PCM1: variants seen among roughly 807,000 people sequenced by gnomAD.
The protein encoded by PCM1 is pericentriolar material 1 protein.
In PCM1, 157 loss-of-function variants were observed where a neutral mutation model predicts 241.9. The observed-to-expected ratio is 0.65, with a 90% CI of 0.57 to 0.74. The LOEUF is 0.74. PCM1 is among the 30% of genes least tolerant of loss of function. PCM1 has a pLI of 0.00. For synonymous variants in PCM1, 1,085 were observed against 784.9 expected, an observed-to-expected ratio of 1.38 and a Z score of -6.39; for missense variants, 3,478 against 2,360.1, an observed-to-expected ratio of 1.47 and a Z score of -9.81.
chr8:17,937,296 A>G lies in PCM1; in HGVS notation c.259A>G (p.Arg87Gly). The G allele has an allele frequency of 6.2e-7, 1 of 1,609,452 alleles. No homozygotes were observed. The highest frequency in any genetic ancestry group is 1.1e-5 in the South Asian group (1 of 90,484). The change falls in exon 4 of 39, where the codon AGA becomes GGA. Residue 87 changes from arginine to glycine, a missense_variant. Coordinates refer to ENST00000325083, the MANE Select transcript of PCM1 (RefSeq NM_006197.4). ...TKTPHTFPHS[R>G]YMSQMSVPEQ... ...GACTCCACATACGTTCCCACACAGT[A>G]GATACATGAGTCAGATGTCTGTCCC...
At chr8:17,969,810 T>G in intron 22 of PCM1, 62 bp downstream of exon 22, 1 of 1,234,202 alleles carries the variant, frequency 8.1e-7, no homozygotes, top group Non-Finnish European at 1.2e-6. Context: ...CATCTAATTA[T>G]GTGTAATTTG....
At position 18,027,844 on chromosome 8, in the gene PCM1, T is replaced by G; in HGVS notation, c.*182T>G. The G allele has an allele frequency of 2.4e-6, 1 of 417,156 alleles. No individual in the cohort carries two copies. The highest frequency in any genetic ancestry group is 4.3e-6 in the Non-Finnish European group (1 of 234,650). 25.8% of individuals were successfully genotyped at this position (417,156 alleles called of 1,614,324 possible). On this transcript the variant is annotated 3_prime_UTR_variant, in exon 39 of 39. Coordinates refer to ENST00000325083, the MANE Select transcript of PCM1 (RefSeq NM_006197.4). ...TCAGAAACTGAATTCTGGACAGATT[T>G]AAGCCTTGACACACTGTGTTTTTTT...
chr8:17,945,787 G>A (rs2063576499), intron 6 of PCM1, among the ~76,000 whole-genome samples: 1 of 151,318 alleles, frequency 6.6e-6, no homozygotes, highest in Non-Finnish European at 1.5e-5. Context: ...GTAGATCAGT[G>A]CATTTTTACT....
At chr8:17,939,625 A>T in intron 5 of PCM1, 66 bp from the exon 6 acceptor site, 1 of 827,926 alleles carries the variant, frequency 1.2e-6, no homozygotes, top group Non-Finnish European at 1.8e-6. Context: ...CTATTGAACT[A>T]ATTATCCTTA....
intron 29 of PCM1, 85 bp from the exon 30 acceptor site, chr8:18,006,178 A>G (rs1378413221): frequency 5.4e-5 from 59 of 1,087,876 alleles, no homozygotes; most frequent in Non-Finnish European, 6.4e-5. Context: ...AAAATTAAAA[A>G]TTAACATTTT....
intron 30 of PCM1, among the ~76,000 whole-genome samples, chr8:18,008,246 C>A (rs556524577): frequency 2.6e-5 from 4 of 152,076 alleles, no homozygotes; most frequent in African/African-American, 4.8e-5. Flanking sequence ...ATTAGATTCT[C>A]ATAGGAGTGT....
chr8:18,009,858 T>C (rs2092212533), intron 31 of PCM1, 114 bp downstream of exon 31: 1 of 601,532 alleles, frequency 1.7e-6, no homozygotes, highest in South Asian at 4.0e-5. Context: ...TTTTTAGTAA[T>C]ACCAGTTAAT....
At chr8:17,932,055 ACT>A (rs1445571975) in intron 2 of PCM1, among the ~76,000 whole-genome samples, 1 of 152,046 alleles carries the variant, frequency 6.6e-6, no homozygotes, top group Admixed American at 6.5e-5. Context: ...CTGCTTTTTT[ACT>A]TTTTTATATT....
chr8:17,996,483 T>G (rs530473038), intron 29 of PCM1, among the ~76,000 whole-genome samples: 1 of 152,308 alleles, frequency 6.6e-6, no homozygotes, highest in African/African-American at 2.4e-5. Context: ...TTTGGGTTTT[T>G]TGTCTTTTTT....
chr8:17,924,008 T>TTTTG (rs554311792), intron 1 of PCM1, among the ~76,000 whole-genome samples: 1,155 of 21,014 alleles, frequency 0.055, 17 homozygotes, highest in African/African-American at 0.13. Flanking sequence ...TTTTGTTTTG[T>TTTTG]TTTTTTGAGC....
In PCM1 at chr8:18,010,627, G is replaced by A; in HGVS notation, c.5179G>A (p.Asp1727Asn). 6.2e-7 allele frequency: 1 copy of A among 1,602,512 alleles called. No individual in the cohort carries two copies. The highest frequency in any genetic ancestry group is 1.1e-5 in the South Asian group (1 of 89,074). The change falls in exon 32 of 39, where the codon GAT (aspartate) becomes AAT (asparagine). Residue 1727 changes from aspartate (D) to asparagine (N), a missense_variant. Asp to Asn is a conservative substitution (Grantham distance 23). Coordinates refer to ENST00000325083, the MANE Select transcript of PCM1 (RefSeq NM_006197.4). ...TTTAAAGGCTAAAAGGATTCTTGAA[G>A]ATCATGGCTCACCTGCTGGAGAGAT... Reference protein sequence around the residue: ...CAKEAKRILEDHGSPAGEIDD... With the variant: ...CAKEAKRILENHGSPAGEIDD...
At chr8:17,942,034 G>C (rs929929742) in intron 6 of PCM1, among the ~76,000 whole-genome samples, 1 of 151,830 alleles carries the variant, frequency 6.6e-6, no homozygotes, top group Non-Finnish European at 1.5e-5. Flanking sequence ...CCTCTCCATG[G>C]ATTATAGCTT....
chr8:17,955,421 A>T lies in PCM1; in HGVS notation c.1289-49A>T, dbSNP rs373479344. On this transcript the variant is annotated intron_variant, in intron 9 of 38. Coordinates refer to ENST00000325083, the MANE Select transcript of PCM1 (RefSeq NM_006197.4). Reference sequence around the variant, plus strand: ...CCAAGCCAACTGTATGTGTTTGTTTATGGTAACTGGTGATTAAAAAAAATT... The same window carrying T: ...CCAAGCCAACTGTATGTGTTTGTTTTTGGTAACTGGTGATTAAAAAAAATT... 4 of 1,341,854 alleles carry T rather than the reference A, an allele frequency of 3.0e-6. No homozygotes were observed. The East Asian group carries it at 7.4e-5, about 25-fold the overall frequency. The allele number at this position is 1,341,854 out of a possible 1,614,324, so 83.1% of individuals were successfully genotyped here. A position where few individuals can be genotyped will look rare whatever the true frequency, so the allele number is the denominator to read the frequency against.
chr8:17,973,232 T>G (rs1272498870), intron 23 of PCM1, among the ~76,000 whole-genome samples: 1 of 152,210 alleles, frequency 6.6e-6, no homozygotes, highest in African/African-American at 2.4e-5. Flanking sequence ...AAATTTTCTT[T>G]ATGGTGTTAG....
In PCM1 at chr8:18,011,372, T is replaced by A. The variant is rs767401976; in HGVS notation, c.5350+6T>A. ...AGGATGTCCAGTGTCTATTAGTAAG[T>A]TTAAAGGCTCTGTACTATCTTTATA... On this transcript the variant is annotated splice_donor_region_variant and intron_variant, in intron 33 of 38. Coordinates refer to ENST00000325083, the MANE Select transcript of PCM1 (RefSeq NM_006197.4). 3.2e-6 allele frequency: 5 copies of A among 1,576,222 alleles called. No homozygotes were observed. The South Asian group carries it at 5.9e-5, about 19-fold the overall frequency.
At chr8:18,023,433 T>A (rs2093919042) in intron 36 of PCM1, among the ~76,000 whole-genome samples, 2 of 152,130 alleles carry the variant, frequency 1.3e-5, no homozygotes, top group South Asian at 4.1e-4. Context: ...CAGCAACCCT[T>A]GAAAAAAAGT....
At chr8:18,025,744 A>C (rs537710379) in intron 38 of PCM1, 86 bp downstream of exon 38, 1 of 748,670 alleles carries the variant, frequency 1.3e-6, no homozygotes, top group Non-Finnish European at 2.2e-6. Flanking sequence ...TAAATATGCT[A>C]CTACTGACCT....
At position 18,027,688 on chromosome 8, in the gene PCM1, C is replaced by A. The variant is rs770384171; in HGVS notation, c.*26C>A. On this transcript the variant is annotated 3_prime_UTR_variant, in exon 39 of 39. Transcript: ENST00000325083. ...GATGTCTTCAGAGGCTCATCTAACTCTGTCCTTACATACTCAATGCATATA... is the reference window on the plus strand; with the variant it reads ...GATGTCTTCAGAGGCTCATCTAACTATGTCCTTACATACTCAATGCATATA... 1.3e-6 allele frequency: 2 copies of A among 1,551,208 alleles called. No individual in the cohort carries two copies. The highest frequency in any genetic ancestry group is 1.2e-5 in the South Asian group (1 of 85,788).
rs768688531 is a variant in PCM1, at chr8:17,923,195, C to G, written c.-91+7C>G. ...GAGGCTGCTTCTTGTAGAGGTAATG[C>G]CTGCGCGTCCCCAGCCCTTGGCAAC... On this transcript the variant is annotated splice_region_variant and intron_variant, in intron 1 of 38. Transcript: ENST00000325083. The G allele has an allele frequency of 1.3e-5, 2 of 152,414 alleles. No homozygotes were observed. Among genetic ancestry groups the G allele is most frequent in the Admixed American group, 6.5e-5 (1 of 15,286 alleles). 9.4% of individuals were successfully genotyped at this position (152,414 alleles called of 1,614,324 possible).
Sources: allele counts gnomAD v4.1 joint callset (sites outside exome capture counted in the v4.1 genomes callset), GRCh38; gene constraint gnomAD v4.1.1; transcripts MANE v1.5; gene names NCBI Gene and HGNC (gene_info 2026-07-23, HGNC 2026-07-21).